The following FANCM variants were observed in gnomAD, a reference collection of about 807,000 sequenced individuals.
FANCM encodes the protein FA complementation group M.
A neutral mutation model predicts 199.5 loss-of-function variants in FANCM; 140 were observed. The ratio of observed to expected loss-of-function variants is 0.70; its 90% CI spans 0.61 to 0.81. FANCM has a LOEUF of 0.81. FANCM is among the 30% of genes least tolerant of loss of function. The probability of loss-of-function intolerance (pLI) is 0.00; values close to 1 mark genes in which losing one functional copy is unlikely to be tolerated. For missense variants in FANCM, 2,410 were observed against 2,421.4 expected (o/e 1.00, Z 0.10); for synonymous variants, 840 against 836.8 (o/e 1.00, Z -0.07).
rs2139103342 is a variant in FANCM, at chr14:45,136,435, G to A, written c.404G>A (p.Gly135Glu). 1 of 1,614,166 alleles carries A rather than the reference G, an allele frequency of 6.2e-7. No homozygotes were observed. Among genetic ancestry groups the A allele is most frequent in the South Asian group, 1.1e-5 (1 of 91,078 alleles). ...AATTTCTACCGCTGGTTCCCTTCAG[G>A]AAAGGTGGTCTTCATGGCCCCAACG... ...MYNFYRWFPS[G>E]KVVFMAPTKP... is the part of the protein sequence containing the mutation. The change falls in exon 1 of 23, where the codon GGA becomes GAA. Residue 135 changes from glycine (G) to glutamate (E), a missense_variant. Coordinates refer to ENST00000267430, the MANE Select transcript of FANCM (RefSeq NM_020937.4).
In FANCM at chr14:45,136,137, G is replaced by A. The variant is rs1416346759; in HGVS notation, c.106G>A (p.Gly36Ser). The change falls in exon 1 of 23, where the codon GGC (glycine) becomes AGC (serine). Residue 36 changes from glycine to serine, a missense_variant. Coordinates refer to ENST00000267430, the MANE Select transcript of FANCM (RefSeq NM_020937.4). Reference sequence around the variant, plus strand: ...CGGAACTGAGCGACCTCAGAGCCCTGGCAGCTCCAAGGCGCCTTTGCCAGC... The same window carrying A: ...CGGAACTGAGCGACCTCAGAGCCCTAGCAGCTCCAAGGCGCCTTTGCCAGC... ...SSGTERPQSP[G>S]SSKAPLPAAA... 3 of 1,614,026 alleles carry A rather than the reference G, an allele frequency of 1.9e-6. No homozygotes were observed. Among genetic ancestry groups the A allele is most frequent in the South Asian group, 1.1e-5 (1 of 91,090 alleles).
intron 1 of FANCM, 79 bp from the exon 2 acceptor site, chr14:45,136,990 T>C: frequency 9.2e-7 from 1 of 1,082,856 alleles, no homozygotes; most frequent in South Asian, 1.3e-5. Context: ...CATGTTTGCA[T>C]TCTGAAAAAG....
chr14:45,139,161 T>G (rs1032820169), intron 2 of FANCM, among the ~76,000 whole-genome samples: 6 of 152,224 alleles, frequency 3.9e-5, no homozygotes, highest in African/African-American at 1.4e-4. Context: ...CTTCTAGCAT[T>G]AAGCTAAACT....
chr14:45,188,941 A>G lies in FANCM; in HGVS notation c.4919A>G (p.Lys1640Arg). 6.2e-7 allele frequency: 1 copy of G among 1,614,036 alleles called. No individual in the cohort carries two copies. The highest frequency in any genetic ancestry group is 8.5e-7 in the Non-Finnish European group (1 of 1,179,958). Residue 1640 changes from lysine (K) to arginine (R), a missense_variant, in exon 20 of 23, where the codon AAG becomes AGG. Lys to Arg is a conservative substitution (Grantham distance 26, BLOSUM62 2). Transcript: ENST00000267430. Reference sequence around the variant, plus strand: ...GATGATTGCTTTGCAAATAGTAAAAAGTATAAAACTCGACGTGCAGTAATG... The same window carrying G: ...GATGATTGCTTTGCAAATAGTAAAAGGTATAAAACTCGACGTGCAGTAATG... ...ITDDCFANSKKYKTRRAVMLK... is the reference protein window; with the variant it reads ...ITDDCFANSKRYKTRRAVMLK...
intron 14 of FANCM, among the ~76,000 whole-genome samples, chr14:45,178,255 G>A (rs1165152678): frequency 6.6e-6 from 1 of 152,132 alleles, no homozygotes; most frequent in Non-Finnish European, 1.5e-5. Context: ...ATATAGTCTG[G>A]GGTTGTGCCA....
intron 8 of FANCM, among the ~76,000 whole-genome samples, chr14:45,158,127 G>A (rs1328258391): frequency 6.6e-6 from 1 of 152,156 alleles, no homozygotes; most frequent in African/African-American, 2.4e-5. Flanking sequence ...GAGCCCAAGA[G>A]GTCGAAGCTG....
intron 3 of FANCM, among the ~76,000 whole-genome samples, chr14:45,145,856 G>A (rs1346523083): frequency 4.0e-5 from 6 of 151,678 alleles, no homozygotes; most frequent in Non-Finnish European, 5.9e-5. Flanking sequence ...TCAGGAGATC[G>A]AGACCATCCC....
chr14:45,169,385 T>G (rs1267064940), intron 11 of FANCM, among the ~76,000 whole-genome samples: 10 of 146,840 alleles, frequency 6.8e-5, no homozygotes, highest in South Asian at 2.1e-4. Context: ...ATTTATTTGT[T>G]TTTTTTTTTT....
In FANCM at chr14:45,173,070, A is replaced by C. The variant is rs777380762; in HGVS notation, c.2176A>C (p.Thr726Pro). 5.6e-6 allele frequency: 9 copies of C among 1,608,802 alleles called. No individual in the cohort carries two copies. In the South Asian group the frequency reaches 9.9e-5, roughly 18 times the overall value. The part of the protein sequence containing the change: ...EENKPAQEST[T>P]GIHQLSLSEW... ...AATAATTAAGGCTCAAGAATCAACC[A>C]CTGGAATTCATCAACTCTCTCTCTC... The change falls in exon 13 of 23, where the codon ACT becomes CCT. Residue 726 changes from threonine to proline, a missense_variant. Physicochemically the swap from Thr to Pro is conservative, Grantham distance 38. Coordinates refer to ENST00000267430, the MANE Select transcript of FANCM (RefSeq NM_020937.4).
At chr14:45,160,764 A>G (rs1020508005) in intron 9 of FANCM, among the ~76,000 whole-genome samples, 1 of 151,592 alleles carries the variant, frequency 6.6e-6, no homozygotes, top group African/African-American at 2.4e-5. Flanking sequence ...GACGGTCTCC[A>G]TCTCCTGACC....
chr14:45,148,152 G>A (rs1453347490), intron 3 of FANCM, among the ~76,000 whole-genome samples: 1 of 151,532 alleles, frequency 6.6e-6, no homozygotes, highest in Non-Finnish European at 1.5e-5. Flanking sequence ...AGCCGATATC[G>A]TGCCACTGTG....
At chr14:45,166,746 A>G (rs1888004070) in intron 10 of FANCM, among the ~76,000 whole-genome samples, 1 of 151,354 alleles carries the variant, frequency 6.6e-6, no homozygotes, top group South Asian at 2.1e-4. Context: ...ACTGTACTCC[A>G]GAGCCTGGAT....
chr14:45,188,545 CTAT>C (rs1889555614), intron 19 of FANCM, among the ~76,000 whole-genome samples: 1 of 152,112 alleles, frequency 6.6e-6, no homozygotes, highest in Non-Finnish European at 1.5e-5. Flanking sequence ...CATTTATCAT[CTAT>C]TATTATTGTT....
chr14:45,176,161 T>C lies in FANCM; in HGVS notation c.3407T>C (p.Leu1136Ser), dbSNP rs770989272. 2.5e-5 allele frequency: 40 copies of C among 1,613,990 alleles called. No individual in the cohort carries two copies. The highest frequency in any genetic ancestry group is 3.1e-5 in the Non-Finnish European group (37 of 1,179,986). The change falls in exon 14 of 23, where the codon TTA becomes TCA. Residue 1136 changes from leucine to serine, a missense_variant. Transcript: ENST00000267430. ...LSTDQDESLL[L>S]FEDVNTEFDD... is the part of the protein sequence containing the mutation. ...ACTGATCAAGATGAAAGTTTGCTGT[T>C]ATTTGAAGATGTTAATACAGAGTTC...
intron 3 of FANCM, among the ~76,000 whole-genome samples, chr14:45,143,596 C>A (rs1353365315): frequency 6.6e-6 from 1 of 151,854 alleles, no homozygotes; most frequent in Non-Finnish European, 1.5e-5. Context: ...TTCTGGTTTC[C>A]TTTATTGAAG....
chr14:45,151,250 A>G (rs1344646647), intron 4 of FANCM, 147 bp from the exon 5 acceptor site: 2 of 655,096 alleles, frequency 3.1e-6, no homozygotes, highest in Non-Finnish European at 2.6e-6. Flanking sequence ...GTAGTTTTAA[A>G]TGTTATCATT....
chr14:45,194,566 A>G (rs1889955563), intron 20 of FANCM, among the ~76,000 whole-genome samples: 1 of 152,170 alleles, frequency 6.6e-6, no homozygotes, highest in African/African-American at 2.4e-5. Context: ...ATATACAGAT[A>G]TATATTCCTC....
rs2139247051 is a variant in FANCM at position 45,176,007 on chromosome 14, G to A, written c.3253G>A (p.Val1085Ile). The A allele has an allele frequency of 1.2e-6, 2 of 1,613,546 alleles. No individual in the cohort carries two copies. The highest frequency in any genetic ancestry group is 2.7e-5 in the African/African-American group (2 of 75,010). The change falls in exon 14 of 23, where the codon GTA becomes ATA. Residue 1085 changes from valine to isoleucine, a missense_variant. By Grantham distance (29) the Val-to-Ile change is conservative. Transcript: ENST00000267430. ...TGAGCCAAGTCTCTGTGACTGTGAT[G>A]TACATAAACATAATCAAAATGAAAA... is the stretch of plus-strand genomic sequence containing the variant. The part of the protein sequence containing the change: ...SDEPSLCDCD[V>I]HKHNQNENLV...
intron 10 of FANCM, among the ~76,000 whole-genome samples, chr14:45,166,384 G>A (rs1425403728): frequency 1.3e-5 from 2 of 151,908 alleles, no homozygotes; most frequent in Non-Finnish European, 2.9e-5. Context: ...TGATCTGCCC[G>A]CCTGGGCCTC....
Sources: allele counts gnomAD v4.1 joint callset (sites outside exome capture counted in the v4.1 genomes callset), GRCh38; gene constraint gnomAD v4.1.1; transcripts MANE v1.5; gene names NCBI Gene and HGNC (gene_info 2026-07-23, HGNC 2026-07-21).